Variants in MARCHF1 observed in about 807,000 individuals in gnomAD.
The protein encoded by MARCHF1 is E3 ubiquitin-protein ligase MARCHF1.
A neutral mutation model predicts 54.2 loss-of-function variants in MARCHF1; 40 were observed. That is an observed-to-expected ratio of 0.74 (90% CI 0.57 to 0.96). The LOEUF (loss-of-function observed/expected upper bound fraction) is 0.96. MARCHF1 is among the 40% of genes least tolerant of loss of function. The pLI is 0.00. For missense variants in MARCHF1, 586 were observed against 656.5 expected (o/e 0.89, Z 1.17); for synonymous variants, 236 against 236.3 (o/e 1.00, Z 0.01).
At position 163,866,466 on chromosome 4, in the gene MARCHF1, T is replaced by TTA. The variant is rs57733725; in HGVS notation, c.-38-12299_-38-12298dup. Among the ~76,000 whole-genome samples, 1,137 of 124,404 alleles carry TTA rather than the reference T, an allele frequency of 9.1e-3. 39 individuals are homozygous for TTA. Among genetic ancestry groups the TTA allele is most frequent in the African/African-American group, 0.026 (987 of 38,124 alleles). The allele number at this position is 124,404 out of a possible 152,430, so 81.6% of individuals were successfully genotyped here. A position where few individuals can be genotyped will look rare whatever the true frequency, so the allele number is the denominator to read the frequency against. On this transcript the variant is annotated intron_variant, in intron 3 of 9. Transcript: ENST00000514618. The stretch of plus-strand genomic sequence containing the variant: ...ACGTGTTCTGATTATAAAGCTGTAG[T>TTA]TATATATATATATATAATAGGACTG...
At chr4:164,158,998 G>A (rs1730157677) in intron 1 of MARCHF1, among the ~76,000 whole-genome samples, 1 of 152,172 alleles carries the variant, frequency 6.6e-6, no homozygotes, top group Non-Finnish European at 1.5e-5. Context: ...TTCATGCCAA[G>A]GTTTAGTGTG....
intron 1 of MARCHF1, among the ~76,000 whole-genome samples, chr4:164,269,169 A>G (rs1733682646): frequency 6.6e-6 from 1 of 152,128 alleles, no homozygotes; most frequent in Non-Finnish European, 1.5e-5. Context: ...CGGGTCATGA[A>G]AAAGGGGATC....
chr4:164,134,408 G>C (rs1462046251), intron 1 of MARCHF1, among the ~76,000 whole-genome samples: 3 of 152,180 alleles, frequency 2.0e-5, no homozygotes, highest in African/African-American at 7.2e-5. Flanking sequence ...TTTCCTGAGA[G>C]AATACATGCA....
chr4:164,300,209 C>T (rs916525146), intron 1 of MARCHF1, among the ~76,000 whole-genome samples: 5 of 152,116 alleles, frequency 3.3e-5, no homozygotes, highest in African/African-American at 1.2e-4. Context: ...ATTGCCGAGA[C>T]TAATGACCAC....
At chr4:163,613,481 A>G (rs963251516) in intron 5 of MARCHF1, 88 bp from the exon 6 acceptor site, 2 of 1,612,158 alleles carry the variant, frequency 1.2e-6, no homozygotes, top group African/African-American at 2.7e-5. Context: ...TTAAAAAATT[A>G]CAACAAACGT....
chr4:163,620,598 CACACACACAG>C (rs1397281440), intron 5 of MARCHF1, among the ~76,000 whole-genome samples: 6 of 82,842 alleles, frequency 7.2e-5, no homozygotes, highest in African/African-American at 1.1e-4. Context: ...CACACACACA[CACACACACAG>C]AGAGAGAGAG....
intron 2 of MARCHF1, among the ~76,000 whole-genome samples, chr4:164,043,052 T>A (rs999473578): frequency 9.2e-5 from 14 of 152,244 alleles, no homozygotes. Flanking sequence ...TTTCATGGGC[T>A]GGCGTTGAGT....
chr4:163,717,146 CT>C (rs1745288163), intron 4 of MARCHF1, among the ~76,000 whole-genome samples: 1 of 113,172 alleles, frequency 8.8e-6, no homozygotes, highest in East Asian at 3.1e-4. Flanking sequence ...TCCCTCCCCC[CT>C]CCCCCCACCC....
At chr4:164,255,975 T>A (rs1203335998) in intron 1 of MARCHF1, among the ~76,000 whole-genome samples, 1 of 151,900 alleles carries the variant, frequency 6.6e-6, no homozygotes, top group Non-Finnish European at 1.5e-5. Context: ...GACCATCTAG[T>A]AGATCACAAA....
intron 4 of MARCHF1, among the ~76,000 whole-genome samples, chr4:163,739,924 C>T (rs1056605480): frequency 6.6e-6 from 1 of 152,144 alleles, no homozygotes; most frequent in African/African-American, 2.4e-5. Context: ...AGAGGGCATT[C>T]CACCCATAAG....
At chr4:164,188,501 G>T (rs1188537491) in intron 1 of MARCHF1, 5 of 685,272 alleles carry the variant, frequency 7.3e-6, no homozygotes, top group African/African-American at 3.5e-5. Context: ...CTACTGCTGC[G>T]TCTGTGTGTT....
intron 1 of MARCHF1, among the ~76,000 whole-genome samples, chr4:164,245,494 T>C (rs1361155905): frequency 6.6e-6 from 1 of 151,980 alleles, no homozygotes; most frequent in Non-Finnish European, 1.5e-5. Context: ...GCCAATATCA[T>C]ACTGAATGGA....
At chr4:163,817,333 A>G (rs1748563469) in intron 4 of MARCHF1, among the ~76,000 whole-genome samples, 1 of 151,910 alleles carries the variant, frequency 6.6e-6, no homozygotes, top group South Asian at 2.1e-4. Flanking sequence ...ACACATATAC[A>G]TATATATGTA....
intron 2 of MARCHF1, among the ~76,000 whole-genome samples, chr4:164,021,219 C>T (rs1271525244): frequency 6.6e-6 from 1 of 151,980 alleles, no homozygotes; most frequent in African/African-American, 2.4e-5. Flanking sequence ...CCTGGGCTAA[C>T]TCCTGCCTAA....
At chr4:163,588,964 C>G (rs1016829526) in intron 7 of MARCHF1, among the ~76,000 whole-genome samples, 5 of 148,286 alleles carry the variant, frequency 3.4e-5, no homozygotes, top group Non-Finnish European at 5.9e-5. Flanking sequence ...CTGCAATTAA[C>G]AATAAAACTG....
chr4:163,937,517 T>C (rs962909517), intron 3 of MARCHF1, among the ~76,000 whole-genome samples: 7 of 151,304 alleles, frequency 4.6e-5, no homozygotes, highest in Admixed American at 3.3e-4. Context: ...TATAAATATA[T>C]ACATATATAT....
chr4:163,634,016 T>A lies in MARCHF1; in HGVS notation c.163-20623A>T, dbSNP rs867249960. Among the ~76,000 whole-genome samples, 642 of 152,038 alleles carry A rather than the reference T, an allele frequency of 4.2e-3. 1 individual carries two copies. Among genetic ancestry groups the A allele is most frequent in the Middle Eastern group, 0.024 (7 of 290 alleles). On this transcript the variant is annotated intron_variant, in intron 5 of 9. Transcript: ENST00000514618. ...AAACTAAGCTTCATAAGTGAAGGAG[T>A]AATAAAATACTTTACAGACAAGCAA...
chr4:163,957,598 T>C (rs774781316), intron 3 of MARCHF1, among the ~76,000 whole-genome samples: 6 of 152,056 alleles, frequency 3.9e-5, no homozygotes, highest in African/African-American at 1.4e-4. Context: ...GATATATACA[T>C]GTAAACTGAA....
chr4:164,186,858 C>T (rs1355091638), intron 1 of MARCHF1, among the ~76,000 whole-genome samples: 1 of 152,004 alleles, frequency 6.6e-6, no homozygotes, highest in African/African-American at 2.4e-5. Context: ...TGACTAAATC[C>T]CAAAATTAGA....
Sources: gnomAD v4.1 joint callset for allele counts (sites outside exome capture counted in the v4.1 genomes callset) on GRCh38, gnomAD v4.1.1 for gene constraint, MANE v1.5 for transcripts, NCBI Gene and HGNC (gene_info 2026-07-23, HGNC 2026-07-21) for gene names.